The following TTC17 variants were observed in gnomAD, a reference collection of about 807,000 sequenced individuals.
TTC17 encodes the protein tetratricopeptide repeat protein 17.
In TTC17, 58 loss-of-function variants were observed where a neutral mutation model predicts 143.8. The observed-to-expected ratio is 0.40, with a 90% CI of 0.33 to 0.50. The LOEUF is 0.50. Ranked by LOEUF, TTC17 falls within the 20% of genes least tolerant of loss-of-function variation. TTC17 has a pLI of 0.49. For missense variants in TTC17, 1,273 were observed against 1,392.5 expected (o/e 0.91, Z 1.37); for synonymous variants, 501 against 497.8 (o/e 1.01, Z -0.09).
chr11:43,383,504 C>T (rs956346866), intron 2 of TTC17, among the ~76,000 whole-genome samples: 1 of 151,920 alleles, frequency 6.6e-6, no homozygotes, highest in African/African-American at 2.4e-5. Context: ...AGGCATGTGC[C>T]ACCACGCCTG....
At chr11:43,432,266 C>T (rs1947176226) in intron 16 of TTC17, among the ~76,000 whole-genome samples, 1 of 152,182 alleles carries the variant, frequency 6.6e-6, no homozygotes, top group African/African-American at 2.4e-5. Flanking sequence ...TTTTTGCAAA[C>T]ACCCTTGTAG....
At position 43,493,786 on chromosome 11, in the gene TTC17, A is replaced by C. The variant is rs1948511978; in HGVS notation, c.3308A>C (p.Lys1103Thr). Residue 1103 changes from lysine to threonine, a missense_variant, in exon 24 of 24, where the codon AAA (lysine) becomes ACA (threonine). Physicochemically the swap from Lys to Thr is moderately conservative, Grantham distance 78 (BLOSUM62 -1). Around this residue, in one of 3 missense-constraint regions of TTC17, gnomAD observed 878 missense variants for 899.8 expected, o/e 0.98. Coordinates refer to ENST00000039989, the MANE Select transcript of TTC17 (RefSeq NM_018259.6). The stretch of plus-strand genomic sequence containing the variant: ...TGGCCCTCACAGGAAGAATTTGAAA[A>C]AGCACTGGTGTGGTATGAATCCACA... ...NVYVAMEEFE[K>T]ALVWYESTLK... The C allele has an allele frequency of 6.2e-7, 1 of 1,613,992 alleles. No homozygotes were observed. The highest frequency in any genetic ancestry group is 1.7e-5 in the Admixed American group (1 of 59,992).
At chr11:43,414,821 G>A in intron 16 of TTC17, 45 bp downstream of exon 16, 3 of 1,567,920 alleles carry the variant, frequency 1.9e-6, no homozygotes, top group Non-Finnish European at 2.6e-6. Context: ...CTCAGCCAGA[G>A]TTCCTCTTCT....
At position 43,358,948 on chromosome 11, in the gene TTC17, G is replaced by A. The variant is rs765608013; in HGVS notation, c.-7G>A. ...TCCGGTGTGAGCGGCCCGGCCGGGG[G>A]GGCAAGATGGCGGCGGCAGTAGGGG... is the stretch of plus-strand genomic sequence containing the variant. On this transcript the variant is annotated 5_prime_UTR_variant, in exon 1 of 24. Coordinates refer to ENST00000039989, the MANE Select transcript of TTC17 (RefSeq NM_018259.6). The A allele has an allele frequency of 5.7e-6, 9 of 1,571,096 alleles. No individual in the cohort carries two copies. Among genetic ancestry groups the A allele is most frequent in the Non-Finnish European group, 7.8e-6 (9 of 1,159,466 alleles).
intron 16 of TTC17, among the ~76,000 whole-genome samples, chr11:43,421,011 T>A (rs1946890615): frequency 6.6e-6 from 1 of 152,188 alleles, no homozygotes; most frequent in African/African-American, 2.4e-5. Context: ...AACACTTATC[T>A]ACTATATGCC....
chr11:43,455,789 C>T (rs546684444), intron 21 of TTC17, among the ~76,000 whole-genome samples: 4 of 151,700 alleles, frequency 2.6e-5, no homozygotes, highest in Non-Finnish European at 4.4e-5. Context: ...TTTTACAAAC[C>T]GTTAAAGACC....
At chr11:43,446,053 C>G in intron 18 of TTC17, 2 of 1,521,790 alleles carry the variant, frequency 1.3e-6, no homozygotes, top group Non-Finnish European at 1.8e-6. Flanking sequence ...GGGCTTGAAG[C>G]CTTCCCATTG....
At chr11:43,415,933 A>C (rs1335328495) in intron 16 of TTC17, among the ~76,000 whole-genome samples, 1 of 152,168 alleles carries the variant, frequency 6.6e-6, no homozygotes, top group African/African-American at 2.4e-5. Context: ...AGTGGCTAGC[A>C]CTAGAATCTT....
At chr11:43,405,981 C>A in intron 13 of TTC17, 30 bp downstream of exon 13, 2 of 1,601,160 alleles carry the variant, frequency 1.2e-6, no homozygotes, top group Non-Finnish European at 1.7e-6. Flanking sequence ...GTATTTATTG[C>A]CGTCCATTCT....
intron 15 of TTC17, among the ~76,000 whole-genome samples, chr11:43,411,962 G>A (rs879838970): frequency 2.6e-5 from 4 of 152,060 alleles, no homozygotes; most frequent in Non-Finnish European, 5.9e-5. Context: ...GTTTTACATA[G>A]GGATATATTG....
chr11:43,461,256 C>A (rs1340465466), intron 21 of TTC17, among the ~76,000 whole-genome samples: 1 of 151,636 alleles, frequency 6.6e-6, no homozygotes, highest in East Asian at 1.9e-4. Flanking sequence ...CAGTGGCGGG[C>A]GCCTGTAGTC....
intron 21 of TTC17, among the ~76,000 whole-genome samples, chr11:43,470,949 TTTAAAATAC>T (rs1432156319): frequency 1.3e-5 from 2 of 152,242 alleles, no homozygotes; most frequent in East Asian, 1.9e-4. Context: ...AGCTTCAGCC[TTTAAAATAC>T]TAGTCATTAT....
In TTC17 at chr11:43,397,494, A is replaced by ACC; in HGVS notation, c.918+3_918+4insCC. The ACC allele has an allele frequency of 6.2e-7, 1 of 1,605,732 alleles. No individual in the cohort carries two copies. Among genetic ancestry groups the ACC allele is most frequent in the Admixed American group, 1.7e-5 (1 of 59,384 alleles). On this transcript the variant is annotated splice_donor_region_variant and intron_variant, in intron 7 of 23. Coordinates refer to ENST00000039989, the MANE Select transcript of TTC17 (RefSeq NM_018259.6). ...ACACTTTGGGGAATATATATGCAGTAAGTACTACTCTTTGTTTCATGAGTC... is the reference window on the plus strand; with the variant it reads ...ACACTTTGGGGAATATATATGCAGTACCAGTACTACTCTTTGTTTCATGAGTC...
chr11:43,428,668 C>G (rs1401502879), intron 16 of TTC17, among the ~76,000 whole-genome samples: 1 of 152,194 alleles, frequency 6.6e-6, no homozygotes, highest in Non-Finnish European at 1.5e-5. Flanking sequence ...TCTGCAGAAA[C>G]CAATTCAGCT....
intron 2 of TTC17, among the ~76,000 whole-genome samples, chr11:43,383,854 T>A (rs543608487): frequency 6.6e-6 from 1 of 151,426 alleles, no homozygotes; most frequent in East Asian, 1.9e-4. Context: ...CAAAAAAAAA[T>A]AGGGGCAAGC....
rs1299116517 is a variant in TTC17 at position 43,492,148 on chromosome 11, T to C, written c.3279T>C (p.Asn1093=). Reference sequence around the variant, plus strand: ...CTGTGAACCACTTCACTCTGGGCAATGTCTACGTGGCAATGGTGAGATGGG... The same window carrying C: ...CTGTGAACCACTTCACTCTGGGCAACGTCTACGTGGCAATGGTGAGATGGG... The part of the protein sequence containing the change: ...HFAVNHFTLG[N]VYVAMEEFEK... The change falls in exon 23 of 24, where the codon AAT becomes AAC. Residue 1093 remains asparagine (N), a synonymous_variant. Transcript: ENST00000039989. 5 of 1,613,948 alleles carry C rather than the reference T, an allele frequency of 3.1e-6. No homozygotes were observed. Among genetic ancestry groups the C allele is most frequent in the Non-Finnish European group, 4.2e-6 (5 of 1,179,970 alleles).
chr11:43,385,470 C>T (rs1857134616), intron 2 of TTC17: 1 of 152,004 alleles, frequency 6.6e-6, no homozygotes, highest in Non-Finnish European at 1.5e-5. Context: ...TCTTAAATCA[C>T]CCATGGTTTA....
At chr11:43,415,982 CTTT>C (rs915669720) in intron 16 of TTC17, among the ~76,000 whole-genome samples, 1 of 152,022 alleles carries the variant, frequency 6.6e-6, no homozygotes. Context: ...CCATTACTTT[CTTT>C]TTTATTTTTA....
intron 16 of TTC17, among the ~76,000 whole-genome samples, chr11:43,437,410 T>C (rs1001703778): frequency 3.3e-5 from 5 of 152,190 alleles, no homozygotes; most frequent in Admixed American, 1.3e-4. Flanking sequence ...ATCTAGTCTT[T>C]TATTTTAGTC....
Sources: gnomAD v4.1 joint callset for allele counts (sites outside exome capture counted in the v4.1 genomes callset) on GRCh38, gnomAD v4.1.1 for gene constraint, gnomAD v4.1.1 regional missense constraint, MANE v1.5 for transcripts, NCBI Gene and HGNC (gene_info 2026-07-23, HGNC 2026-07-21) for gene names.